Variants in SMG6 observed in about 807,000 individuals in gnomAD.
The protein encoded by SMG6 is telomerase-binding protein EST1A.
Under a neutral mutation model 142.2 loss-of-function variants are expected in SMG6, and 66 were observed. The ratio of observed to expected loss-of-function variants is 0.46; its 90% CI spans 0.38 to 0.57. The LOEUF is 0.57. Among genes scored for constraint, SMG6 ranks in the 20% least tolerant of loss-of-function variants. The probability of loss-of-function intolerance (pLI) is 0.00; values close to 1 mark genes in which losing one functional copy is unlikely to be tolerated. For missense variants in SMG6, 1,793 were observed against 1,832.0 expected (o/e 0.98, Z 0.39); for synonymous variants, 779 against 702.4 (o/e 1.11, Z -1.72).
chr17:2,217,556 C>A (rs1474973213), intron 10 of SMG6, among the ~76,000 whole-genome samples: 2 of 152,042 alleles, frequency 1.3e-5, no homozygotes, highest in Non-Finnish European at 2.9e-5. Flanking sequence ...TTTTTCTATT[C>A]CATCTTTACA....
intron 10 of SMG6, among the ~76,000 whole-genome samples, chr17:2,193,141 G>T (rs1416093912): frequency 1.3e-5 from 2 of 152,226 alleles, no homozygotes; most frequent in Non-Finnish European, 2.9e-5. Context: ...GGAGGTGTCT[G>T]GATGGCAGGG....
At chr17:2,091,641 G>A (rs1451331105) in intron 13 of SMG6, among the ~76,000 whole-genome samples, 4 of 151,232 alleles carry the variant, frequency 2.6e-5, no homozygotes, top group Non-Finnish European at 5.9e-5. Flanking sequence ...TATGTAAAGC[G>A]TTAAGTACAG....
At chr17:2,203,717 T>C (rs531148861) in intron 10 of SMG6, among the ~76,000 whole-genome samples, 9 of 152,266 alleles carry the variant, frequency 5.9e-5, no homozygotes, top group African/African-American at 1.7e-4. Flanking sequence ...GGGAGAAATA[T>C]AGCTATATCA....
chr17:2,074,738 C>T (rs1316056752), intron 15 of SMG6, among the ~76,000 whole-genome samples: 1 of 152,196 alleles, frequency 6.6e-6, no homozygotes, highest in Non-Finnish European at 1.5e-5. Flanking sequence ...GGACAGTGGG[C>T]TCAGTCACTG....
chr17:2,282,420 A>C (rs1030560942), intron 8 of SMG6, among the ~76,000 whole-genome samples: 1 of 149,860 alleles, frequency 6.7e-6, no homozygotes, highest in African/African-American at 2.5e-5. Flanking sequence ...AAAAAATTCT[A>C]ATCCTACTTT....
chr17:2,302,980 G>A, intron 1 of SMG6: 2 of 985,454 alleles, frequency 2.0e-6, no homozygotes, highest in Non-Finnish European at 2.4e-6. Flanking sequence ...ATTGCCTAAC[G>A]CAGGAGAGGT....
In SMG6 at chr17:2,300,408, A is replaced by C. The variant is rs1204678023; in HGVS notation, c.345T>G (p.Asn115Lys). 15 of 1,613,918 alleles carry C rather than the reference A, an allele frequency of 9.3e-6. No individual in the cohort carries two copies. Among genetic ancestry groups the C allele is most frequent in the Non-Finnish European group, 1.3e-5 (15 of 1,180,010 alleles). ...EQNGPIDPEN[N>K]RGQESFPRTA... ...TCCTAGGAAAGGATTCTTGTCCCCGATTATTTTCTGGGTCTATAGGACCAT... is the reference window on the plus strand; with the variant it reads ...TCCTAGGAAAGGATTCTTGTCCCCGCTTATTTTCTGGGTCTATAGGACCAT... Residue 115 changes from asparagine to lysine, a missense_variant, in exon 2 of 19, where the codon AAT (asparagine) becomes AAG (lysine). Coordinates refer to ENST00000263073, the MANE Select transcript of SMG6 (RefSeq NM_017575.5).
chr17:2,153,825 C>T (rs1457669144), intron 13 of SMG6, among the ~76,000 whole-genome samples: 1 of 97,540 alleles, frequency 1.0e-5, no homozygotes, highest in African/African-American at 4.6e-5. Flanking sequence ...CCTGGGGATG[C>T]ATGTAGAGTG....
At chr17:2,179,696 CG>C (rs988979976) in intron 12 of SMG6, among the ~76,000 whole-genome samples, 1 of 152,106 alleles carries the variant, frequency 6.6e-6, no homozygotes, top group African/African-American at 2.4e-5. Context: ...TGGTGAAACG[CG>C]GGCTCTCCAG....
chr17:2,249,158 G>A (rs2073993037), intron 8 of SMG6, among the ~76,000 whole-genome samples: 1 of 151,936 alleles, frequency 6.6e-6, no homozygotes, highest in Non-Finnish European at 1.5e-5. Context: ...CTCCCAAAGT[G>A]CTGGGATTAC....
chr17:2,255,046 ATGAT>A (rs941266041), intron 8 of SMG6, among the ~76,000 whole-genome samples: 1 of 152,144 alleles, frequency 6.6e-6, no homozygotes, highest in African/African-American at 2.4e-5. Context: ...GCATGGCTAG[ATGAT>A]TGATTCTGTA....
chr17:2,247,503 T>C (rs780714118), intron 8 of SMG6, among the ~76,000 whole-genome samples: 1 of 152,198 alleles, frequency 6.6e-6, no homozygotes, highest in Non-Finnish European at 1.5e-5. Context: ...AGGTTACTTG[T>C]ACAGCCGGGT....
At chr17:2,278,845 T>C (rs1468103981) in intron 8 of SMG6, among the ~76,000 whole-genome samples, 1 of 152,138 alleles carries the variant, frequency 6.6e-6, no homozygotes, top group Non-Finnish European at 1.5e-5. Context: ...AAGCCCTCAA[T>C]ACCTGACAGC....
At chr17:2,220,970 G>C (rs150902720) in intron 10 of SMG6, among the ~76,000 whole-genome samples, 57 of 152,252 alleles carry the variant, frequency 3.7e-4, no homozygotes, top group African/African-American at 1.3e-3. Flanking sequence ...GGACAGAATT[G>C]CTCCAGTTAG....
At chr17:2,214,657 AG>A (rs1477106539) in intron 10 of SMG6, among the ~76,000 whole-genome samples, 3 of 152,232 alleles carry the variant, frequency 2.0e-5, no homozygotes, top group Non-Finnish European at 4.4e-5. Flanking sequence ...TTAAACAAAA[AG>A]TAAGGGCAAA....
At chr17:2,276,858 C>G (rs1044361261) in intron 8 of SMG6, among the ~76,000 whole-genome samples, 2 of 151,484 alleles carry the variant, frequency 1.3e-5, no homozygotes, top group African/African-American at 4.9e-5. Context: ...CTCGGCTCAC[C>G]GCAACCTCCA....
At chr17:2,298,704 C>A (rs990928245) in intron 2 of SMG6, among the ~76,000 whole-genome samples, 5 of 145,288 alleles carry the variant, frequency 3.4e-5, no homozygotes, top group African/African-American at 1.3e-4. Flanking sequence ...GGCGACAGAG[C>A]GAGACTCCGT....
chr17:2,186,784 C>A lies in SMG6; in HGVS notation c.3034G>T (p.Val1012Leu), dbSNP rs746609962. ...EDQDDQDDIK[V>L]SSFVPDLKEL... ...TTCAGGTCCGGGACAAAGGAAGACA[C>A]CTTGATGTCGTCTTGGTCATCCTGG... The change falls in exon 12 of 19, where the codon GTG becomes TTG. Residue 1012 changes from valine to leucine, a missense_variant. By Grantham distance (32) the Val-to-Leu change is conservative. This residue lies in a region of SMG6 where 1,597 missense variants were observed against 1,584.6 expected (regional missense o/e 1.01). Transcript: ENST00000263073. 3.1e-6 allele frequency: 5 copies of A among 1,614,206 alleles called. No individual in the cohort carries two copies. Among genetic ancestry groups the A allele is most frequent in the Non-Finnish European group, 4.2e-6 (5 of 1,180,034 alleles).
At chr17:2,093,738 G>A (rs1351615100) in intron 13 of SMG6, among the ~76,000 whole-genome samples, 1 of 152,144 alleles carries the variant, frequency 6.6e-6, no homozygotes, top group East Asian at 1.9e-4. Flanking sequence ...CGTCATCATG[G>A]CTTGCAGCAG....
Sources: allele counts gnomAD v4.1 joint callset (sites outside exome capture counted in the v4.1 genomes callset), GRCh38; gene constraint gnomAD v4.1.1; regional missense constraint gnomAD v4.1.1; transcripts MANE v1.5; gene names NCBI Gene and HGNC (gene_info 2026-07-23, HGNC 2026-07-21).